FBN2: variants seen among roughly 807,000 people sequenced by gnomAD.
FBN2 encodes the protein fibrillin-2.
Under a neutral mutation model 355.6 loss-of-function variants are expected in FBN2, and 105 were observed. The observed-to-expected ratio is 0.30, with a 90% CI of 0.25 to 0.35. FBN2 has a LOEUF of 0.35. Ranked by LOEUF, FBN2 falls within the 10% of genes least tolerant of loss-of-function variation. The probability of loss-of-function intolerance (pLI) is 1.00; values close to 1 mark genes in which losing one functional copy is unlikely to be tolerated. For synonymous variants in FBN2, 1,350 were observed against 1,301.2 expected, an observed-to-expected ratio of 1.04 and a Z score of -0.81; for missense variants, 3,280 against 3,758.7, an observed-to-expected ratio of 0.87 and a Z score of 3.33.
In FBN2 at chr5:128,273,961, G is replaced by T; in HGVS notation, c.7719C>A (p.Asn2573Lys). ...AAAGCGAAGGTTGAGACCCACATTC[G>T]TTGTTGTCTGGCAAAGCATCAAGAA... ...TQHHTACIDN[N>K]ECGSQPSLCG... Residue 2573 changes from asparagine to lysine, a missense_variant, in exon 61 of 65, where the codon AAC (asparagine) becomes AAA (lysine). By Grantham distance (94) the Asn-to-Lys change is moderately conservative. Coordinates refer to ENST00000262464, the MANE Select transcript of FBN2 (RefSeq NM_001999.4). 6.2e-7 allele frequency: 1 copy of T among 1,613,854 alleles called. No homozygotes were observed. Among genetic ancestry groups the T allele is most frequent in the South Asian group, 1.1e-5 (1 of 91,064 alleles).
intron 41 of FBN2, among the ~76,000 whole-genome samples, chr5:128,308,070 C>T (rs1267332978): frequency 6.6e-6 from 1 of 151,996 alleles, no homozygotes; most frequent in African/African-American, 2.4e-5. Flanking sequence ...TGTCATTGCA[C>T]CCATATGAAT....
rs1163494935 is a variant in FBN2 at position 128,537,510 on chromosome 5, G to T, written c.94C>A (p.Pro32Thr). 1 of 1,577,060 alleles carries T rather than the reference G, an allele frequency of 6.3e-7. No homozygotes were observed. The highest frequency in any genetic ancestry group is 8.6e-7 in the Non-Finnish European group (1 of 1,164,476). ...WAQGTAGQPQ[P>T]PPPKPPRPQP... The stretch of plus-strand genomic sequence containing the variant: ...GGCCGGGGCGGCTTGGGCGGAGGAG[G>T]CTGAGGCTGGCCGGCCGTGCCCTGC... Residue 32 changes from proline (P) to threonine (T), a missense_variant, in exon 1 of 65, where the codon CCT becomes ACT. By Grantham distance (38) the Pro-to-Thr change is conservative. Transcript: ENST00000262464.
intron 12 of FBN2, among the ~76,000 whole-genome samples, chr5:128,378,269 T>C (rs767720308): frequency 2.0e-5 from 3 of 152,074 alleles, no homozygotes; most frequent in Non-Finnish European, 4.4e-5. Context: ...GGAAAGTTGA[T>C]TCAAGCAACT....
At chr5:128,355,051 T>C (rs1440273648) in intron 20 of FBN2, among the ~76,000 whole-genome samples, 1 of 151,938 alleles carries the variant, frequency 6.6e-6, no homozygotes, top group African/African-American at 2.4e-5. Context: ...GTTAGGAGGA[T>C]AGGGAGGACT....
At chr5:128,395,304 T>A (rs758575946) in intron 8 of FBN2, 30 bp from the exon 9 acceptor site, 10 of 1,613,042 alleles carry the variant, frequency 6.2e-6, no homozygotes, top group Non-Finnish European at 8.5e-6. Flanking sequence ...ACAGAAGATA[T>A]GGCAGAATTA....
rs140276399 is a variant in FBN2, at chr5:128,305,876, C to T, written c.5495G>A (p.Arg1832His). ...ACTGAATCCTGTAGGGCATTCACAG[C>T]GGAAACTGCCAATCTGGTTAATGCA... Reference protein sequence around the residue: ...GVCINQIGSFRCECPTGFSYN... With the variant: ...GVCINQIGSFHCECPTGFSYN... The change falls in exon 43 of 65, where the codon CGC (arginine) becomes CAC (histidine). Residue 1832 changes from arginine (R) to histidine (H), a missense_variant. Physicochemically the swap from Arg to His is conservative, Grantham distance 29 (BLOSUM62 0). This residue lies in a region of FBN2 where 2,284 missense variants were observed against 2,749.5 expected (regional missense o/e 0.83). Transcript: ENST00000262464. 1.1e-4 allele frequency: 173 copies of T among 1,613,744 alleles called. No homozygotes were observed. The highest frequency in any genetic ancestry group is 1.6e-4 in the Middle Eastern group (1 of 6,084).
At chr5:128,483,789 A>G (rs1015794880) in intron 5 of FBN2, among the ~76,000 whole-genome samples, 3 of 152,198 alleles carry the variant, frequency 2.0e-5, no homozygotes, top group Non-Finnish European at 4.4e-5. Flanking sequence ...TGGTTCTTAA[A>G]ACATTTTAAG....
intron 36 of FBN2, among the ~76,000 whole-genome samples, chr5:128,313,082 T>C (rs967442986): frequency 5.3e-5 from 8 of 152,208 alleles, no homozygotes; most frequent in Admixed American, 2.6e-4. Flanking sequence ...TGGGACATAC[T>C]GGACCTCCAA....
At chr5:128,473,382 A>G (rs1213471370) in intron 5 of FBN2, among the ~76,000 whole-genome samples, 2 of 152,218 alleles carry the variant, frequency 1.3e-5, no homozygotes, top group East Asian at 3.8e-4. Context: ...AAAATTAACA[A>G]TGTGGTACAT....
chr5:128,533,691 T>C (rs559407966), intron 2 of FBN2, among the ~76,000 whole-genome samples: 7 of 152,246 alleles, frequency 4.6e-5, no homozygotes, highest in African/African-American at 1.4e-4. Context: ...TAGCATAACA[T>C]AAAGGAATTA....
intron 34 of FBN2, among the ~76,000 whole-genome samples, chr5:128,324,443 A>G (rs924983532): frequency 1.3e-5 from 2 of 152,098 alleles, no homozygotes; most frequent in Non-Finnish European, 2.9e-5. Flanking sequence ...ATTTCTGTCT[A>G]AACACTGCTT....
At chr5:128,489,968 T>C (rs1398701796) in intron 5 of FBN2, among the ~76,000 whole-genome samples, 1 of 152,176 alleles carries the variant, frequency 6.6e-6, no homozygotes, top group African/African-American at 2.4e-5. Flanking sequence ...AGACCTGGGT[T>C]TAAATCTCAG....
intron 55 of FBN2, among the ~76,000 whole-genome samples, chr5:128,285,187 C>T (rs1749110083): frequency 8.1e-6 from 1 of 123,978 alleles, no homozygotes; most frequent in South Asian, 3.1e-4. Flanking sequence ...GTTTCCGTTG[C>T]AATCGACTTT....
intron 5 of FBN2, among the ~76,000 whole-genome samples, chr5:128,489,842 T>C (rs1268586530): frequency 6.6e-6 from 1 of 152,200 alleles, no homozygotes. Flanking sequence ...TGTTATAATT[T>C]ATAACCAGGA....
At chr5:128,330,528 T>C in intron 33 of FBN2, 45 bp downstream of exon 33, 1 of 1,610,198 alleles carries the variant, frequency 6.2e-7, no homozygotes, top group East Asian at 2.2e-5. Flanking sequence ...ATATAGAGTG[T>C]TCTATGACCA....
At chr5:128,449,398 C>A in intron 6 of FBN2, among the ~76,000 whole-genome samples, 1 of 96,642 alleles carries the variant, frequency 1.0e-5, no homozygotes, top group African/African-American at 5.9e-5. Context: ...TAATAGTATA[C>A]TGTATAATTA....
chr5:128,336,644 A>G (rs1346923851), intron 27 of FBN2, among the ~76,000 whole-genome samples: 1 of 152,234 alleles, frequency 6.6e-6, no homozygotes, highest in East Asian at 1.9e-4. Flanking sequence ...TAGGGCCCTC[A>G]TGTATTTAAT....
At chr5:128,391,966 C>T (rs1306392237) in intron 11 of FBN2, 52 bp downstream of exon 11, 7 of 1,514,348 alleles carry the variant, frequency 4.6e-6, no homozygotes, top group Non-Finnish European at 6.4e-6. Context: ...ATCCTGTAAT[C>T]TAATAGCTAC....
chr5:128,270,791 C>T (rs1413962998), intron 62 of FBN2, among the ~76,000 whole-genome samples: 1 of 151,948 alleles, frequency 6.6e-6, no homozygotes, highest in Non-Finnish European at 1.5e-5. Flanking sequence ...GTGTGCCATA[C>T]ACTTTGCCTT....
Sources: gnomAD v4.1 joint callset for allele counts (sites outside exome capture counted in the v4.1 genomes callset) on GRCh38, gnomAD v4.1.1 for gene constraint, gnomAD v4.1.1 regional missense constraint, MANE v1.5 for transcripts, NCBI Gene and HGNC (gene_info 2026-07-23, HGNC 2026-07-21) for gene names.